The following TRRAP variants were observed in gnomAD, a reference collection of about 807,000 sequenced individuals.
TRRAP encodes the protein transformation/transcription domain-associated protein.
In TRRAP, 41 loss-of-function variants were observed where a neutral mutation model predicts 438.8. That is an observed-to-expected ratio of 0.09 (90% CI 0.07 to 0.12). The LOEUF is 0.12. Among genes scored for constraint, TRRAP ranks in the 10% least tolerant of loss-of-function variants. TRRAP has a pLI of 1.00. For synonymous variants in TRRAP, 1,994 were observed against 1,962.9 expected, an observed-to-expected ratio of 1.02 and a Z score of -0.42; for missense variants, 3,122 against 5,055.1, an observed-to-expected ratio of 0.62 and a Z score of 11.60.
Position 98,976,712 on chromosome 7 carries a change from T to C in TRRAP, c.8189T>C (p.Ile2730Thr). 2 of 1,614,074 alleles carry C rather than the reference T, an allele frequency of 1.2e-6. No homozygotes were observed. The highest frequency in any genetic ancestry group is 1.7e-6 in the Non-Finnish European group (2 of 1,180,024). The change falls in exon 55 of 73, where the codon ATT (isoleucine) becomes ACT (threonine). Residue 2730 changes from isoleucine to threonine, a missense_variant. Around this residue, in one of 24 missense-constraint regions of TRRAP, gnomAD observed 992 missense variants for 1,281.2 expected, o/e 0.77. Coordinates refer to ENST00000456197, the MANE Select transcript of TRRAP (RefSeq NM_001375524.1). The surrounding 1 kb of genome is among the most constrained non-coding windows in gnomAD (Gnocchi z 4.6). ...TTTGAAAAGGGTCTGAGTCTTCAGA[T>C]TAAGCCGAAGCAAACAACGGAGTTT... The part of the protein sequence containing the change: ...QAFEKGLSLQ[I>T]KPKQTTEFYE...
At chr7:98,882,064 ATATTCT>A in intron 3 of TRRAP, 40 bp downstream of exon 3, 1 of 1,553,988 alleles carries the variant, frequency 6.4e-7, no homozygotes, top group Non-Finnish European at 8.8e-7. Flanking sequence ...TTTGAGGTAA[ATATTCT>A]TATTCACTTT....
chr7:98,897,293 GA>G (rs1796260418), intron 7 of TRRAP, among the ~76,000 whole-genome samples: 1 of 152,198 alleles, frequency 6.6e-6, no homozygotes, highest in African/African-American at 2.4e-5. Context: ...TCTATTTAGA[GA>G]GTGAAAAATT....
At chr7:98,937,299 T>C (rs781798318) in intron 29 of TRRAP, 22 bp downstream of exon 29, 3 of 1,604,116 alleles carry the variant, frequency 1.9e-6, no homozygotes, top group Admixed American at 3.5e-5. Flanking sequence ...TGCGTGCGTG[T>C]ATGCGCACGC....
intron 68 of TRRAP, among the ~76,000 whole-genome samples, chr7:99,004,714 G>A (rs2116859224): frequency 6.6e-6 from 1 of 152,318 alleles, no homozygotes; most frequent in South Asian, 2.1e-4. Flanking sequence ...GCACAGTATT[G>A]AGGCAGAATC....
At chr7:98,989,884 A>C (rs1461286322) in intron 63 of TRRAP, among the ~76,000 whole-genome samples, 5 of 152,334 alleles carry the variant, frequency 3.3e-5, no homozygotes, top group Admixed American at 2.6e-4. Flanking sequence ...GCAGTCGGTC[A>C]CTGGTCAGTG....
chr7:98,920,336 C>CA (rs1472632402), intron 20 of TRRAP, among the ~76,000 whole-genome samples: 3 of 152,132 alleles, frequency 2.0e-5, no homozygotes, highest in Admixed American at 6.5e-5. Flanking sequence ...CATGGTGGTG[C>CA]ATGCCTGTAA....
intron 46 of TRRAP, among the ~76,000 whole-genome samples, chr7:98,961,690 C>T (rs1335864711): frequency 7.2e-5 from 11 of 152,154 alleles, no homozygotes; most frequent in African/African-American, 1.7e-4. Context: ...GAGGCCGAGG[C>T]GGGCGGATCA....
At chr7:98,955,456 G>A in intron 41 of TRRAP, 152 bp downstream of exon 41, 2 of 801,838 alleles carry the variant, frequency 2.5e-6, no homozygotes, top group Non-Finnish European at 3.8e-6. Context: ...TGTGTGTATG[G>A]CTTTATCAGC....
rs184624244 is a variant in TRRAP, at chr7:98,981,611, G to T, written c.8635-158G>T. Among the ~76,000 whole-genome samples, 37 of 152,294 alleles carry T rather than the reference G, an allele frequency of 2.4e-4. 1 individual carries two copies. In the East Asian group the frequency reaches 7.1e-3, roughly 29 times the overall value. The stretch of plus-strand genomic sequence containing the variant: ...AGTATCCAGAAAAGACTGTGTAAAC[G>T]CATGACTTCTCTAAAGAAAATACAT... On this transcript the variant is annotated intron_variant, in intron 58 of 72. Coordinates refer to ENST00000456197, the MANE Select transcript of TRRAP (RefSeq NM_001375524.1).
intron 6 of TRRAP, among the ~76,000 whole-genome samples, 169 bp from the exon 7 acceptor site, chr7:98,895,595 A>G (rs1257257026): frequency 2.0e-5 from 3 of 151,998 alleles, no homozygotes; most frequent in African/African-American, 7.2e-5. Flanking sequence ...ATATTTACTT[A>G]TTTTTTTGTT....
intron 56 of TRRAP, 147 bp from the exon 57 acceptor site, chr7:98,978,064 G>C (rs1186495403): frequency 1.4e-6 from 1 of 695,734 alleles, no homozygotes; most frequent in Non-Finnish European, 2.4e-6. Context: ...AGGGTCCCTT[G>C]AGCCTAGGAA....
intron 21 of TRRAP, among the ~76,000 whole-genome samples, chr7:98,923,566 T>C (rs1584316729): frequency 6.6e-6 from 1 of 152,248 alleles, no homozygotes; most frequent in African/African-American, 2.4e-5. Flanking sequence ...ATATGTTATA[T>C]TGATTCTGAA....
In TRRAP at chr7:98,948,770, C is replaced by A; in HGVS notation, c.4788+85C>A. On this transcript the variant is annotated intron_variant, in intron 35 of 72. Transcript: ENST00000456197. The surrounding 1 kb of genome is among the most constrained non-coding windows in gnomAD (Gnocchi z 4.9). Reference sequence around the variant, plus strand: ...TCTGAAATGTTCAGTTCATATTTCACTATTCAGTGTCCTGGCTGCTTTTTT... The same window carrying A: ...TCTGAAATGTTCAGTTCATATTTCAATATTCAGTGTCCTGGCTGCTTTTTT... The A allele has an allele frequency of 6.3e-7, 1 of 1,595,272 alleles. No individual in the cohort carries two copies. The highest frequency in any genetic ancestry group is 8.5e-7 in the Non-Finnish European group (1 of 1,170,256).
At chr7:98,926,973 C>T (rs186011387) in intron 22 of TRRAP, among the ~76,000 whole-genome samples, 194 bp from the exon 23 acceptor site, 2 of 152,268 alleles carry the variant, frequency 1.3e-5, no homozygotes, top group Admixed American at 6.5e-5. Context: ...GAGCCAGGAT[C>T]GCGCCATTGC....
In TRRAP at chr7:98,953,291, G is replaced by A; in HGVS notation, c.5588G>A (p.Ser1863Asn). The A allele has an allele frequency of 1.2e-6, 2 of 1,613,938 alleles. No individual in the cohort carries two copies. The highest frequency in any genetic ancestry group is 2.2e-5 in the East Asian group (1 of 44,868). Residue 1863 changes from serine (S) to asparagine (N), a missense_variant, in exon 40 of 73, where the codon AGC becomes AAC. Ser to Asn is a conservative substitution (Grantham distance 46). Transcript: ENST00000456197. The part of the protein sequence containing the change: ...HIHDNNKNRN[S>N]KLRRLMTFAW... ...CATGACAACAACAAGAACCGCAACA[G>A]CAAGCTGCGCCGCCTCATGACCTTC...
rs199717835 is a variant in TRRAP at position 98,937,296 on chromosome 7, G to A, written c.4233+19G>A. On this transcript the variant is annotated intron_variant, in intron 29 of 72. Coordinates refer to ENST00000456197, the MANE Select transcript of TRRAP (RefSeq NM_001375524.1). ...GAGAAAGGTGAGTGTGTGTGCGTGC[G>A]TGTATGCGCACGCGTGTGTGCACAC... 32 of 1,605,284 alleles carry A rather than the reference G, an allele frequency of 2.0e-5. 1 individual carries two copies. The highest frequency in any genetic ancestry group is 3.3e-4 in the Middle Eastern group (2 of 6,012).
chr7:98,954,804 G>A (rs1478269899), intron 40 of TRRAP, among the ~76,000 whole-genome samples: 2 of 152,110 alleles, frequency 1.3e-5, no homozygotes, highest in Non-Finnish European at 2.9e-5. Flanking sequence ...TCCCTAACTC[G>A]CTGCTGGTTA....
intron 23 of TRRAP, 111 bp from the exon 24 acceptor site, chr7:98,929,878 G>A: frequency 8.6e-7 from 1 of 1,165,474 alleles, no homozygotes; most frequent in Non-Finnish European, 1.2e-6. Context: ...ACGGGTGTGA[G>A]CCGCCGTGCC....
chr7:99,009,781 A>G (rs920352947), intron 70 of TRRAP, among the ~76,000 whole-genome samples: 5 of 151,960 alleles, frequency 3.3e-5, no homozygotes, highest in African/African-American at 4.8e-5. Context: ...GCCAGGGCCT[A>G]TAGGCAGAGG....
Sources: allele counts gnomAD v4.1 joint callset (sites outside exome capture counted in the v4.1 genomes callset), GRCh38; gene constraint gnomAD v4.1.1; regional missense constraint gnomAD v4.1.1; non-coding constraint Gnocchi (gnomAD v3.1); transcripts MANE v1.5; gene names NCBI Gene and HGNC (gene_info 2026-07-23, HGNC 2026-07-21).